The following SLC4A4 variants were observed in gnomAD, a reference collection of about 807,000 sequenced individuals.
SLC4A4 encodes the protein electrogenic sodium bicarbonate cotransporter 1.
SLC4A4 carries 27 observed loss-of-function variants against 111.5 expected under a neutral mutation model. The ratio of observed to expected loss-of-function variants is 0.24; its 90% confidence interval spans 0.18 to 0.33. The LOEUF is 0.33. Ranked by LOEUF, SLC4A4 falls within the 10% of genes least tolerant of loss-of-function variation. The pLI, the probability that SLC4A4 is intolerant of heterozygous loss-of-function variation, is 1.00. For missense variants in SLC4A4, 909 were observed against 1,315.5 expected (o/e 0.69, Z 4.78); for synonymous variants, 443 against 463.4 (o/e 0.96, Z 0.57).
chr4:71,199,869 T>G (rs1348869230), intron 1 of SLC4A4, among the ~76,000 whole-genome samples: 3 of 152,160 alleles, frequency 2.0e-5, no homozygotes. Flanking sequence ...CAGGCTGGTC[T>G]CGAACCCCTG....
At chr4:71,193,366 A>T (rs949266550) in intron 1 of SLC4A4, among the ~76,000 whole-genome samples, 1 of 152,002 alleles carries the variant, frequency 6.6e-6, no homozygotes, top group East Asian at 1.9e-4. Flanking sequence ...TCACCGTGTT[A>T]GCCAGGATGG....
chr4:71,253,253 A>G (rs1418528265), intron 2 of SLC4A4, among the ~76,000 whole-genome samples: 1 of 152,180 alleles, frequency 6.6e-6, no homozygotes, highest in Non-Finnish European at 1.5e-5. Context: ...TAGATTGACC[A>G]TGATGACACT....
At chr4:71,278,557 C>T (rs1042996045) in intron 3 of SLC4A4, among the ~76,000 whole-genome samples, 8 of 152,110 alleles carry the variant, frequency 5.3e-5, no homozygotes, top group African/African-American at 1.7e-4. Context: ...GTTTACATTT[C>T]TGCCACCAAT....
At chr4:71,545,542 C>T (rs1560607619) in intron 18 of SLC4A4, among the ~76,000 whole-genome samples, 2 of 151,954 alleles carry the variant, frequency 1.3e-5, no homozygotes, top group African/African-American at 4.8e-5. Flanking sequence ...ATTGCGGACA[C>T]ATTTAACAAT....
At chr4:71,549,159 CT>C in intron 20 of SLC4A4, among the ~76,000 whole-genome samples, 1 of 151,874 alleles carries the variant, frequency 6.6e-6, no homozygotes, top group East Asian at 1.9e-4. Context: ...AGAGGGAAAC[CT>C]TTTGTCACCT....
intron 3 of SLC4A4, among the ~76,000 whole-genome samples, chr4:71,335,014 T>C (rs1728319798): frequency 6.6e-6 from 1 of 152,118 alleles, no homozygotes; most frequent in South Asian, 2.1e-4. Context: ...AGAAGCTAAT[T>C]CTATGGAGTA....
intron 3 of SLC4A4, chr4:71,300,600 C>G (rs903106349): frequency 1.1e-5 from 3 of 279,714 alleles, no homozygotes; most frequent in African/African-American, 6.8e-5. Flanking sequence ...GGGGCAGCTG[C>G]CGTCTCTTCA....
At chr4:71,250,553 G>A (rs1720992745) in intron 2 of SLC4A4, among the ~76,000 whole-genome samples, 1 of 152,110 alleles carries the variant, frequency 6.6e-6, no homozygotes, top group Admixed American at 6.6e-5. Flanking sequence ...GACATATCAG[G>A]TTAAAAAATT....
At chr4:71,432,395 T>C (rs1723716404) in intron 7 of SLC4A4, among the ~76,000 whole-genome samples, 1 of 152,160 alleles carries the variant, frequency 6.6e-6, no homozygotes, top group Non-Finnish European at 1.5e-5. Flanking sequence ...CACACTCTGC[T>C]CTGTGTTATA....
At chr4:71,353,447 A>T (rs926752531) in intron 5 of SLC4A4, among the ~76,000 whole-genome samples, 1 of 152,196 alleles carries the variant, frequency 6.6e-6, no homozygotes, top group Non-Finnish European at 1.5e-5. Flanking sequence ...GGAGAAGAGC[A>T]TGTTTGAAAG....
Position 71,161,548 on chromosome 4 carries a change from G to A in SLC4A4, c.-2+68756G>A, listed in dbSNP as rs192494599. Reference sequence around the variant, plus strand: ...TTTGTAATTAATGAATTGCCTACATGTGTATTCATTTAATATTTATCTTTC... The same window carrying A: ...TTTGTAATTAATGAATTGCCTACATATGTATTCATTTAATATTTATCTTTC... On this transcript the variant is annotated intron_variant, in intron 2 of 26. Transcript: ENST00000649996. 3.2e-4 allele frequency among the ~76,000 whole-genome samples: 49 copies of A among 152,294 alleles called. No individual in the cohort carries two copies. In the South Asian group the frequency reaches 3.7e-3, roughly 12 times the overall value.
intron 7 of SLC4A4, among the ~76,000 whole-genome samples, chr4:71,406,286 G>T (rs1426581588): frequency 1.3e-5 from 2 of 150,274 alleles, no homozygotes; most frequent in African/African-American, 2.5e-5. Context: ...AAGGAGTGTT[G>T]TCAACTGAAA....
At chr4:71,357,312 G>A (rs775888751) in intron 6 of SLC4A4, 125 bp downstream of exon 6, 12 of 914,876 alleles carry the variant, frequency 1.3e-5, no homozygotes, top group Non-Finnish European at 1.9e-5. Flanking sequence ...ATATGCCATA[G>A]TCATTTCATA....
intron 1 of SLC4A4, among the ~76,000 whole-genome samples, chr4:71,063,601 A>G (rs1298463299): frequency 6.6e-6 from 1 of 152,084 alleles, no homozygotes; most frequent in Non-Finnish European, 1.5e-5. Context: ...ATATTAGAAA[A>G]TTTATTTAAA....
chr4:71,140,496 T>A (rs1743965809), intron 2 of SLC4A4, among the ~76,000 whole-genome samples: 1 of 152,148 alleles, frequency 6.6e-6, no homozygotes, highest in Non-Finnish European at 1.5e-5. Context: ...CTTTTTAATC[T>A]CCATACTCAT....
Position 71,497,614 on chromosome 4 carries a change from T to G in SLC4A4, c.2088T>G (p.Ser696=), listed in dbSNP as rs372202007. The change falls in exon 16 of 26, where the codon TCT becomes TCG. Residue 696 remains serine, a synonymous_variant. Transcript: ENST00000264485. ...TTGTTCCTGATATCACACTCATGTCTTTTATCCTCTTCTTGGGAACCTACA... is the reference window on the plus strand; with the variant it reads ...TTGTTCCTGATATCACACTCATGTCGTTTATCCTCTTCTTGGGAACCTACA... ...CNFVPDITLM[S]FILFLGTYTS... is the part of the protein sequence containing the mutation. The G allele has an allele frequency of 1.7e-5, 27 of 1,613,634 alleles. No individual in the cohort carries two copies. Among genetic ancestry groups the G allele is most frequent in the African/African-American group, 1.1e-4 (8 of 74,920 alleles).
chr4:71,186,397 A>G (rs1029297464), upstream of SLC4A4, among the ~76,000 whole-genome samples: 1 of 151,606 alleles, frequency 6.6e-6, no homozygotes, highest in African/African-American at 2.4e-5. Flanking sequence ...TGAGCTGGGA[A>G]ACTCACGCAA....
At chr4:71,236,318 G>A (rs904196828) in intron 1 of SLC4A4, 4 of 1,042,762 alleles carry the variant, frequency 3.8e-6, no homozygotes, top group Admixed American at 7.6e-5. Context: ...CTGCCTACAG[G>A]ATTGGGATTA....
chr4:71,438,596 TTA>T (rs1210075011), intron 7 of SLC4A4, among the ~76,000 whole-genome samples: 1 of 152,222 alleles, frequency 6.6e-6, no homozygotes, highest in Non-Finnish European at 1.5e-5. Context: ...AAGTCCTCAA[TTA>T]TCTGCTTTTT....
Sources: allele counts gnomAD v4.1 joint callset (sites outside exome capture counted in the v4.1 genomes callset), GRCh38; gene constraint gnomAD v4.1.1; transcripts MANE v1.5; gene names NCBI Gene and HGNC (gene_info 2026-07-23, HGNC 2026-07-21).